Variants in CDC42 observed in about 807,000 individuals in gnomAD.
CDC42 encodes cell division cycle 42.
In CDC42, 1 loss-of-function variant was observed where a neutral mutation model predicts 20.8. That is an observed-to-expected ratio of 0.05 (90% CI 0.02 to 0.23). CDC42 has a LOEUF of 0.23. Among genes scored for constraint, CDC42 ranks in the 10% least tolerant of loss-of-function variants. CDC42 has a pLI of 1.00. For synonymous variants in CDC42, 72 were observed against 84.8 expected, an observed-to-expected ratio of 0.85 and a Z score of 0.83; for missense variants, 49 against 227.9, an observed-to-expected ratio of 0.21 and a Z score of 5.05.
At chr1:22,061,019 A>G (rs558318433) in intron 1 of CDC42, among the ~76,000 whole-genome samples, 1 of 152,312 alleles carries the variant, frequency 6.6e-6, no homozygotes, top group African/African-American at 2.4e-5. Context: ...GCTAGTAAAG[A>G]TGAGGGTAGG....
At chr1:22,085,230 T>TAA (rs552267987) in intron 3 of CDC42, among the ~76,000 whole-genome samples, 1 of 17,492 alleles carries the variant, frequency 5.7e-5, no homozygotes, top group Non-Finnish European at 1.0e-4. Flanking sequence ...AGACTCTGTC[T>TAA]AAAAAAAAAA....
intron 1 of CDC42, among the ~76,000 whole-genome samples, chr1:22,072,091 C>CTTTTTTTTTTTTTTTTTTTTTTTT (rs55929932): frequency 1.4e-5 from 1 of 70,810 alleles, no homozygotes. Flanking sequence ...TTTTACTTAC[C>CTTTTTTTTTTTTTTTTTTTTTTTT]TTTTTTTTTT....
intron 1 of CDC42, among the ~76,000 whole-genome samples, chr1:22,068,066 G>C (rs1341734248): frequency 6.6e-6 from 1 of 151,874 alleles, no homozygotes; most frequent in African/African-American, 2.4e-5. Flanking sequence ...TAGGTGACAG[G>C]GTGAGACCCT....
intron 1 of CDC42, chr1:22,059,793 C>T (rs1374167793): frequency 6.6e-6 from 1 of 152,186 alleles, no homozygotes; most frequent in Non-Finnish European, 1.5e-5. Flanking sequence ...ATCCGCCTGC[C>T]TTGGCCTCCC....
intron 5 of CDC42, chr1:22,090,315 TG>T: frequency 9.1e-7 from 1 of 1,103,350 alleles, no homozygotes; most frequent in South Asian, 3.6e-5. Context: ...GAACTTGGTC[TG>T]GCTTTAAGAA....
intron 1 of CDC42, among the ~76,000 whole-genome samples, chr1:22,073,899 C>T (rs952239230): frequency 1.3e-5 from 2 of 152,050 alleles, no homozygotes; most frequent in Non-Finnish European, 2.9e-5. Flanking sequence ...AATCTCCCCA[C>T]CTTGTCCCCC....
Position 22,094,032 on chromosome 1 carries a change from C to T in CDC42, c.*2515C>T, listed in dbSNP as rs1354905362. 1.3e-5 allele frequency among the ~76,000 whole-genome samples: 2 copies of T among 152,288 alleles called. No individual in the cohort carries two copies. The highest frequency in any genetic ancestry group is 3.9e-4 in the East Asian group (2 of 5,186). On this transcript the variant is annotated 3_prime_UTR_variant, in exon 6 of 6. Coordinates refer to ENST00000656825, the MANE Select transcript of CDC42 (RefSeq NM_001791.4). ...TTAAATATTTTCAGATTGATTTCTG[C>T]ATGTCAGAAGAACTTGGGTAGCAAG...
intron 3 of CDC42, among the ~76,000 whole-genome samples, chr1:22,083,500 G>C (rs1396712965): frequency 6.6e-6 from 1 of 151,916 alleles, no homozygotes; most frequent in Non-Finnish European, 1.5e-5. Flanking sequence ...AGCTACTTGG[G>C]AGGCTGAGAC....
In CDC42 at chr1:22,091,601, T is replaced by G; in HGVS notation, c.*84T>G. 1 of 1,057,140 alleles carries G rather than the reference T, an allele frequency of 9.5e-7. No homozygotes were observed. Among genetic ancestry groups the G allele is most frequent in the Non-Finnish European group, 1.4e-6 (1 of 704,514 alleles). 65.5% of individuals were successfully genotyped at this position (1,057,140 alleles called of 1,614,324 possible). A position where few individuals can be genotyped will look rare whatever the true frequency, so the allele number is the denominator to read the frequency against. On this transcript the variant is annotated 3_prime_UTR_variant, in exon 6 of 6. Coordinates refer to ENST00000656825, the MANE Select transcript of CDC42 (RefSeq NM_001791.4). ...TTAAATCAAACTAAAGATTAAAAAT[T>G]AAAATTCGTTTTTGCAATAATGACA...
At position 22,092,726 on chromosome 1, in the gene CDC42, G is replaced by GA. The variant is rs1270328121; in HGVS notation, c.*1212dup. 6.6e-6 allele frequency: 1 copy of GA among 152,592 alleles called. No homozygotes were observed. The highest frequency in any genetic ancestry group is 6.6e-5 in the Admixed American group (1 of 15,264). The allele number at this position is 152,592 out of a possible 1,614,324, so 9.5% of individuals were successfully genotyped here. On this transcript the variant is annotated 3_prime_UTR_variant, in exon 6 of 6. Coordinates refer to ENST00000656825, the MANE Select transcript of CDC42 (RefSeq NM_001791.4). ...GCTCTCTAGTTTAATAAAAATCATG[G>GA]AAAGACTCTTAATGCAGACTCTTCT...
intron 1 of CDC42, among the ~76,000 whole-genome samples, chr1:22,077,388 T>C (rs571199127): frequency 5.3e-5 from 8 of 152,262 alleles, no homozygotes; most frequent in Admixed American, 2.0e-4. Context: ...TAAATTGTTA[T>C]GATTAATTGT....
intron 3 of CDC42, 24 bp from the exon 4 acceptor site, chr1:22,086,415 C>T (rs1317025452): frequency 2.0e-6 from 3 of 1,505,828 alleles, no homozygotes; most frequent in Admixed American, 3.7e-5. Context: ...GCTGAATTCT[C>T]TCCAATATTT....
chr1:22,067,232 A>C (rs1195970023), intron 1 of CDC42, among the ~76,000 whole-genome samples: 2 of 152,154 alleles, frequency 1.3e-5, no homozygotes, highest in Non-Finnish European at 2.9e-5. Context: ...AACTTATCAC[A>C]GTTCTGCATC....
chr1:22,056,556 C>T (rs1430812260), intron 1 of CDC42, among the ~76,000 whole-genome samples: 1 of 152,166 alleles, frequency 6.6e-6, no homozygotes, highest in South Asian at 2.1e-4. Context: ...CTAGTTTCTA[C>T]TTTTAGTTTC....
chr1:22,064,916 C>G (rs553639266), intron 1 of CDC42, among the ~76,000 whole-genome samples: 9 of 152,194 alleles, frequency 5.9e-5, no homozygotes, highest in African/African-American at 2.2e-4. Context: ...CTCAGGTGAT[C>G]CACCCACCTC....
At chr1:22,089,885 T>TA in intron 5 of CDC42, 1 of 1,561,856 alleles carries the variant, frequency 6.4e-7, no homozygotes, top group Non-Finnish European at 8.8e-7. Flanking sequence ...TTGTACCTGC[T>TA]AGTCTTTCTA....
chr1:22,057,543 CCT>C (rs1645316172), intron 1 of CDC42, among the ~76,000 whole-genome samples: 1 of 151,712 alleles, frequency 6.6e-6, no homozygotes, highest in Non-Finnish European at 1.5e-5. Flanking sequence ...CGTCAGCGCC[CCT>C]GGCTAATTTT....
chr1:22,052,986 G>A (rs941193579), intron 1 of CDC42: 2 of 151,820 alleles, frequency 1.3e-5, no homozygotes, highest in Non-Finnish European at 2.9e-5. Flanking sequence ...GTCTGAGGAG[G>A]GGCGCGCGGC....
At chr1:22,067,701 C>G (rs1407690341) in intron 1 of CDC42, among the ~76,000 whole-genome samples, 1 of 152,096 alleles carries the variant, frequency 6.6e-6, no homozygotes, top group African/African-American at 2.4e-5. Context: ...GGGGAGCTCT[C>G]TGGGGTGTCT....
Sources: gnomAD v4.1 joint callset for allele counts (sites outside exome capture counted in the v4.1 genomes callset) on GRCh38, gnomAD v4.1.1 for gene constraint, MANE v1.5 for transcripts, NCBI Gene and HGNC (gene_info 2026-07-23, HGNC 2026-07-21) for gene names.